KRT33B: variants seen among roughly 807,000 people sequenced by gnomAD.
KRT33B encodes the protein keratin 33B.
KRT33B carries 37 observed loss-of-function variants against 42.7 expected under a neutral mutation model. That is an observed-to-expected ratio of 0.87 (90% CI 0.67 to 1.14). The LOEUF (loss-of-function observed/expected upper bound fraction) is 1.14. Among genes scored for constraint, KRT33B ranks in the 50% most tolerant of loss-of-function variants. The pLI, the probability that KRT33B is intolerant of heterozygous loss-of-function variation, is 0.00. For missense variants in KRT33B, 523 were observed against 515.1 expected (o/e 1.02, Z -0.15); for synonymous variants, 237 against 221.2 (o/e 1.07, Z -0.63).
At position 41,369,604 on chromosome 17, in the gene KRT33B, C is replaced by T; in HGVS notation, c.147G>A (p.Glu49=). Residue 49 remains glutamate, a synonymous_variant, in exon 1 of 7, where the codon GAG becomes GAA. Coordinates refer to ENST00000251646, the MANE Select transcript of KRT33B (RefSeq NM_002279.5). The stretch of plus-strand genomic sequence containing the variant: ...CCTTCTCGCTGCCATTGAAGGAGCC[C>T]TCGCAGAACCAGTTGCAGTTGCTCA... ...ANVSNCNWFC[E]GSFNGSEKET... 6.2e-7 allele frequency: 1 copy of T among 1,613,592 alleles called. No individual in the cohort carries two copies. Among genetic ancestry groups the T allele is most frequent in the Non-Finnish European group, 8.5e-7 (1 of 1,180,042 alleles).
chr17:41,366,721 T>C (rs2017706886), intron 2 of KRT33B, 95 bp from the exon 3 acceptor site: 3 of 1,229,368 alleles, frequency 2.4e-6, no homozygotes, highest in Non-Finnish European at 3.3e-6. Context: ...TTATTATATT[T>C]TGAAATATTT....
chr17:41,366,223 A>T (rs2017698864), intron 3 of KRT33B, among the ~76,000 whole-genome samples: 1 of 151,296 alleles, frequency 6.6e-6, no homozygotes. Context: ...ACAGTAGTTT[A>T]AAGATATTTG....
rs995072581 is a variant in KRT33B, at chr17:41,364,810, A to T, written c.1066T>A (p.Tyr356Asn). 1 of 1,612,710 alleles carries T rather than the reference A, an allele frequency of 6.2e-7. No homozygotes were observed. Among genetic ancestry groups the T allele is most frequent in the Non-Finnish European group, 8.5e-7 (1 of 1,179,970 alleles). The stretch of plus-strand genomic sequence containing the variant: ...TCCTCGCTCTCCAGCAGGCTCCGGT[A>T]TGTGTTGATCTCACACTCCAGCCGC... ...RARLECEINTYRSLLESEDCK... is the reference protein window; with the variant it reads ...RARLECEINTNRSLLESEDCK... The change falls in exon 6 of 7, where the codon TAC becomes AAC. Residue 356 changes from tyrosine to asparagine, a missense_variant. Tyr to Asn is a moderately radical substitution (Grantham distance 143, BLOSUM62 -2). Transcript: ENST00000251646.
chr17:41,363,889 TG>T lies in KRT33B; in HGVS notation c.1161del (p.Asn388IlefsTer28). ...ACEKPIGSCV[T>X]NPCGPRSRCG... is the part of the protein sequence containing the mutation. The stretch of plus-strand genomic sequence containing the variant: ...CAGCGGGAACGAGGACCACAAGGAT[TG>T]GTGACACAGGATCCAATGGGCTTTT... On this transcript the variant is annotated frameshift_variant, in exon 7 of 7. Transcript: ENST00000251646. LOFTEE classifies it high-confidence loss of function. 1 of 1,611,860 alleles carries T rather than the reference TG, an allele frequency of 6.2e-7. No individual in the cohort carries two copies.
In KRT33B at chr17:41,367,918, A is replaced by G. The variant is rs775965850; in HGVS notation, c.421T>C (p.Phe141Leu). ...IDNAKLAADDFRTKYQTEQSL... is the reference protein window; with the variant it reads ...IDNAKLAADDLRTKYQTEQSL... The stretch of plus-strand genomic sequence containing the variant: ...TTAGGAAAATCTTACTTGGTTCTGA[A>G]GTCATCTGCAGCCAGCTTGGCATTG... Residue 141 changes from phenylalanine (F) to leucine (L), a missense_variant, in exon 2 of 7, where the codon TTC (phenylalanine) becomes CTC (leucine). Phe to Leu is a conservative substitution (Grantham distance 22). Transcript: ENST00000251646. 71 of 1,612,866 alleles carry G rather than the reference A, an allele frequency of 4.4e-5. 1 individual carries two copies. The Middle Eastern group carries it at 4.9e-4, about 11-fold the overall frequency.
chr17:41,364,297 G>T (rs995041362), intron 6 of KRT33B, among the ~76,000 whole-genome samples: 1 of 151,212 alleles, frequency 6.6e-6, no homozygotes, highest in Admixed American at 6.6e-5. Context: ...TATTATGTTC[G>T]CTGGCAACTG....
chr17:41,368,168 A>G (rs1465153215), intron 1 of KRT33B, among the ~76,000 whole-genome samples, 178 bp from the exon 2 acceptor site: 1 of 151,398 alleles, frequency 6.6e-6, no homozygotes, highest in Non-Finnish European at 1.5e-5. Context: ...AACCAGGACA[A>G]CCAATGTGAA....
chr17:41,366,473 C>A lies in KRT33B; in HGVS notation c.585G>T (p.Glu195Asp). Reference protein sequence around the residue: ...EELLSLKQNHEQEVNTLRCQL... With the variant: ...EELLSLKQNHDQEVNTLRCQL... ...TATTGGGGGCTGGGACTCTTACCTG[C>A]TCATGGTTCTGCTTGAGGGACAGCA... The change falls in exon 3 of 7, where the codon GAG (glutamate) becomes GAT (aspartate). Residue 195 changes from glutamate to aspartate, a missense_variant. By Grantham distance (45) the Glu-to-Asp change is conservative. Coordinates refer to ENST00000251646, the MANE Select transcript of KRT33B (RefSeq NM_002279.5). The A allele has an allele frequency of 6.2e-7, 1 of 1,612,314 alleles. No individual in the cohort carries two copies. Among genetic ancestry groups the A allele is most frequent in the Non-Finnish European group, 8.5e-7 (1 of 1,180,002 alleles).
In KRT33B at chr17:41,363,542, A is replaced by C. The variant is rs770537684; in HGVS notation, c.*294T>G. The C allele has an allele frequency of 6.6e-6, 2 of 302,654 alleles. No individual in the cohort carries two copies. Among genetic ancestry groups the C allele is most frequent in the African/African-American group, 4.4e-5 (2 of 45,320 alleles). 18.7% of individuals were successfully genotyped at this position (302,654 alleles called of 1,614,324 possible). On this transcript the variant is annotated 3_prime_UTR_variant, in exon 7 of 7. Coordinates refer to ENST00000251646, the MANE Select transcript of KRT33B (RefSeq NM_002279.5). Reference sequence around the variant, plus strand: ...TTATTAGGCGATTTGGGGAACTGCAATAAAGGTAGAAGCAGCAGAGAGAAC... The same window carrying C: ...TTATTAGGCGATTTGGGGAACTGCACTAAAGGTAGAAGCAGCAGAGAGAAC...
chr17:41,369,625 G>T lies in KRT33B; in HGVS notation c.126C>A (p.Ser42Arg). 6.2e-7 allele frequency: 1 copy of T among 1,613,698 alleles called. No individual in the cohort carries two copies. Among genetic ancestry groups the T allele is most frequent in the South Asian group, 1.1e-5 (1 of 91,070 alleles). ...AGCCCTCGCAGAACCAGTTGCAGTT[G>T]CTCACATTGGCAGGGATGTTGCAGG... ...PGACNIPANV[S>R]NCNWFCEGSF... The change falls in exon 1 of 7, where the codon AGC becomes AGA. Residue 42 changes from serine to arginine, a missense_variant. By Grantham distance (110) the Ser-to-Arg change is moderately radical. Transcript: ENST00000251646.
chr17:41,367,468 C>T (rs2017715060), intron 2 of KRT33B, among the ~76,000 whole-genome samples: 2 of 151,346 alleles, frequency 1.3e-5, no homozygotes, highest in Admixed American at 1.3e-4. Flanking sequence ...GTTTGGGAGG[C>T]TGAGGCGGGT....
intron 1 of KRT33B, 28 bp from the exon 2 acceptor site, chr17:41,368,018 G>A (rs2017723341): frequency 6.2e-7 from 1 of 1,600,672 alleles, no homozygotes; most frequent in Non-Finnish European, 8.5e-7. Context: ...CATGAAATGG[G>A]TTATACTAAG....
At position 41,369,523 on chromosome 17, in the gene KRT33B, C is replaced by A. The variant is rs775215369; in HGVS notation, c.228G>T (p.Gln76His). ...RLASYLEKVR[Q>H]LERDNAELEN... ...CCAGCTCCGCGTTGTCCCGCTCCAG[C>A]TGACGCACCTTCTCCAGGTAGCTGG... Residue 76 changes from glutamine to histidine, a missense_variant, in exon 1 of 7, where the codon CAG becomes CAT. By Grantham distance (24) the Gln-to-His change is conservative. Coordinates refer to ENST00000251646, the MANE Select transcript of KRT33B (RefSeq NM_002279.5). The A allele has an allele frequency of 1.2e-6, 2 of 1,613,878 alleles. No homozygotes were observed. Among genetic ancestry groups the A allele is most frequent in the South Asian group, 1.1e-5 (1 of 91,088 alleles).
chr17:41,368,949 G>T (rs1378793051), intron 1 of KRT33B, among the ~76,000 whole-genome samples: 1 of 151,418 alleles, frequency 6.6e-6, no homozygotes, highest in Admixed American at 6.6e-5. Flanking sequence ...TGTAGATATT[G>T]CTGGAGTCAA....
At chr17:41,367,437 C>T (rs1381106610) in intron 2 of KRT33B, among the ~76,000 whole-genome samples, 1 of 151,384 alleles carries the variant, frequency 6.6e-6, no homozygotes, top group East Asian at 1.9e-4. Flanking sequence ...CGCACAGTGG[C>T]TCACGCCTGT....
chr17:41,363,945 G>T lies in KRT33B; in HGVS notation c.1106C>A (p.Ser369Tyr). Residue 369 changes from serine (S) to tyrosine (Y), a missense_variant, in exon 7 of 7, where the codon TCC (serine) becomes TAC (tyrosine). By Grantham distance (144) the Ser-to-Tyr change is moderately radical (BLOSUM62 -2). Transcript: ENST00000251646. Reference sequence around the variant, plus strand: ...TGCATTGGTGGTGGCGCAGGGGTTGGAGGGCAGCCTGGGATGCAGAAGCAT... The same window carrying T: ...TGCATTGGTGGTGGCGCAGGGGTTGTAGGGCAGCCTGGGATGCAGAAGCAT... ...LLESEDCKLPSNPCATTNACE... is the reference protein window; with the variant it reads ...LLESEDCKLPYNPCATTNACE... 6.2e-7 allele frequency: 1 copy of T among 1,609,528 alleles called. No individual in the cohort carries two copies. Among genetic ancestry groups the T allele is most frequent in the Non-Finnish European group, 8.5e-7 (1 of 1,178,230 alleles).
At chr17:41,366,067 C>T (rs1484308373) in intron 3 of KRT33B, among the ~76,000 whole-genome samples, 2 of 151,306 alleles carry the variant, frequency 1.3e-5, no homozygotes, top group African/African-American at 4.9e-5. Context: ...TCCATCCATC[C>T]ATTCATCCAT....
At position 41,369,426 on chromosome 17, in the gene KRT33B, T is replaced by G. The variant is rs531970187; in HGVS notation, c.325A>C (p.Thr109Pro). The change falls in exon 1 of 7, where the codon ACC becomes CCC. Residue 109 changes from threonine (T) to proline (P), a missense_variant. Transcript: ENST00000251646. ...LCPSYQSYFK[T>P]IEELQQKILC... ...ACCTTCTGCTGGAGCTCCTCAATGGTCTTGAAGTAGGACTGGTAGCTGGGG... is the reference window on the plus strand; with the variant it reads ...ACCTTCTGCTGGAGCTCCTCAATGGGCTTGAAGTAGGACTGGTAGCTGGGG... 1 of 1,613,274 alleles carries G rather than the reference T, an allele frequency of 6.2e-7. No homozygotes were observed. Among genetic ancestry groups the G allele is most frequent in the Non-Finnish European group, 8.5e-7 (1 of 1,180,026 alleles).
At chr17:41,365,115 T>A (rs1010579669) in intron 5 of KRT33B, 60 bp downstream of exon 5, 16 of 1,608,870 alleles carry the variant, frequency 9.9e-6, no homozygotes, top group African/African-American at 1.4e-5. Context: ...CCCAAGGGCA[T>A]CCCCAAGACT....
Sources: gnomAD v4.1 joint callset for allele counts (sites outside exome capture counted in the v4.1 genomes callset) on GRCh38, gnomAD v4.1.1 for gene constraint, MANE v1.5 for transcripts, NCBI Gene and HGNC (gene_info 2026-07-23, HGNC 2026-07-21) for gene names.